SEC22C: variants seen among roughly 807,000 people sequenced by gnomAD.
SEC22C encodes the protein SEC22 homolog C, vesicle trafficking protein.
A neutral mutation model predicts 34.7 loss-of-function variants in SEC22C; 29 were observed. The observed-to-expected ratio is 0.84, with a 90% confidence interval of 0.62 to 1.14. The LOEUF is 1.14. Ranked by LOEUF, SEC22C falls within the 50% of genes most tolerant of loss-of-function variation. The pLI, the probability that SEC22C is intolerant of heterozygous loss-of-function variation, is 0.00. For synonymous variants in SEC22C, 117 were observed against 132.8 expected, an observed-to-expected ratio of 0.88 and a Z score of 0.82; for missense variants, 337 against 369.0, an observed-to-expected ratio of 0.91 and a Z score of 0.71.
chr3:42,576,959 C>G (rs1704004929), intron 1 of SEC22C, among the ~76,000 whole-genome samples: 1 of 151,944 alleles, frequency 6.6e-6, no homozygotes, highest in South Asian at 2.1e-4. Flanking sequence ...ATACAGAACC[C>G]AAAAATATAC....
At chr3:42,575,129 T>C (rs1365591559) in intron 1 of SEC22C, among the ~76,000 whole-genome samples, 2 of 152,232 alleles carry the variant, frequency 1.3e-5, no homozygotes, top group Non-Finnish European at 2.9e-5. Context: ...ATTACAGGCA[T>C]GAGCCACTAG....
Position 42,572,218 on chromosome 3 carries a change from CA to C in SEC22C, c.-27-3146del, listed in dbSNP as rs540416562. Among the ~76,000 whole-genome samples the C allele has an allele frequency of 3.8e-3, 309 of 81,670 alleles. 1 individual carries two copies. The highest frequency in any genetic ancestry group is 7.7e-3 in the Admixed American group (53 of 6,860). The allele number at this position is 81,670 out of a possible 152,430, so 53.6% of individuals were successfully genotyped here. On this transcript the variant is annotated intron_variant, in intron 1 of 6. Transcript: ENST00000264454. ...GCAAGAAATGCCAATGGGTACAGAC[CA>C]AAAAAAAAAAAAAAGCCAAAAAAAC...
Position 42,549,828 on chromosome 3 carries a change from A to T in SEC22C, c.*3420T>A. The stretch of plus-strand genomic sequence containing the variant: ...AAGCTCATTTAATCAAAATGCTTAA[A>T]TGTTTTAATTCCAGCATTCTCCAGA... On this transcript the variant is annotated 3_prime_UTR_variant, in exon 7 of 7. Transcript: ENST00000264454. 1 of 985,496 alleles carries T rather than the reference A, an allele frequency of 1.0e-6. No individual in the cohort carries two copies. The highest frequency in any genetic ancestry group is 1.2e-6 in the Non-Finnish European group (1 of 829,950). The allele number at this position is 985,496 out of a possible 1,614,324, so 61.0% of individuals were successfully genotyped here. A position where few individuals can be genotyped will look rare whatever the true frequency, so the allele number is the denominator to read the frequency against.
chr3:42,577,885 A>G (rs1296361035), intron 1 of SEC22C, among the ~76,000 whole-genome samples: 4 of 152,008 alleles, frequency 2.6e-5, no homozygotes, highest in African/African-American at 9.7e-5. Flanking sequence ...CAGGAGAATC[A>G]CTTGAACCTG....
Position 42,549,523 on chromosome 3 carries a change from G to C in SEC22C, c.*3725C>G. 1 of 985,222 alleles carries C rather than the reference G, an allele frequency of 1.0e-6. No individual in the cohort carries two copies. Among genetic ancestry groups the C allele is most frequent in the Non-Finnish European group, 1.2e-6 (1 of 830,078 alleles). The allele number at this position is 985,222 out of a possible 1,614,324, so 61.0% of individuals were successfully genotyped here. A position where few individuals can be genotyped will look rare whatever the true frequency, so the allele number is the denominator to read the frequency against. On this transcript the variant is annotated 3_prime_UTR_variant, in exon 7 of 7. Coordinates refer to ENST00000264454, the MANE Select transcript of SEC22C (RefSeq NM_032970.4). Reference sequence around the variant, plus strand: ...ACACAGCCAGCCTTGCTGGCCTGCTGGCTATTGTCTCTGACTCTGAGCTGT... The same window carrying C: ...ACACAGCCAGCCTTGCTGGCCTGCTCGCTATTGTCTCTGACTCTGAGCTGT...
At chr3:42,599,077 T>A (rs1705150415) in intron 1 of SEC22C, among the ~76,000 whole-genome samples, 1 of 151,286 alleles carries the variant, frequency 6.6e-6, no homozygotes, top group Non-Finnish European at 1.5e-5. Context: ...GCCATTCTTC[T>A]GCCTCAGCCT....
intron 2 of SEC22C, 115 bp downstream of exon 2, chr3:42,568,750 T>C (rs887031964): frequency 5.9e-6 from 5 of 843,398 alleles, no homozygotes; most frequent in Admixed American, 2.4e-5. Context: ...CTCAGACCAC[T>C]GATGCTAGAT....
upstream of SEC22C, among the ~76,000 whole-genome samples, chr3:42,583,795 G>A (rs75915526): frequency 1.4e-3 from 215 of 152,262 alleles, 1 homozygote; most frequent in Non-Finnish European, 2.5e-3. Flanking sequence ...TTCTGCCCTT[G>A]GCATCAGAAT....
chr3:42,600,258 C>T (rs536573553), intron 1 of SEC22C, among the ~76,000 whole-genome samples: 1 of 152,254 alleles, frequency 6.6e-6, no homozygotes, highest in Non-Finnish European at 1.5e-5. Flanking sequence ...CAGTAGGACA[C>T]GGACATAACC....
At chr3:42,582,144 T>C (rs1321826415), upstream of SEC22C, 2 of 152,136 alleles carry the variant, frequency 1.3e-5, no homozygotes, top group Non-Finnish European at 2.9e-5. Flanking sequence ...AGAGGGAGTG[T>C]GACGGGGGCG....
At chr3:42,558,004 GC>G (rs924708646) in intron 4 of SEC22C, among the ~76,000 whole-genome samples, 1 of 152,144 alleles carries the variant, frequency 6.6e-6, no homozygotes, top group Non-Finnish European at 1.5e-5. Context: ...GGGGCAATCT[GC>G]CCCCCAGTGG....
At position 42,598,632 on chromosome 3, in the gene SEC22C, A is replaced by G. The variant is rs540681155; in HGVS notation, c.-28+2328T>C. 5.1e-4 allele frequency among the ~76,000 whole-genome samples: 78 copies of G among 152,070 alleles called. 1 individual carries two copies. Among genetic ancestry groups the G allele is most frequent in the African/African-American group, 1.7e-3 (69 of 41,426 alleles). ...GTGTGAGCCACCGCACCTAGCCTAC[A>G]AGAACAAATATTACATGATTTTACT... On this transcript the variant is annotated intron_variant, in intron 1 of 6. Transcript: ENST00000417572.
At chr3:42,566,834 T>A in intron 2 of SEC22C, 2 of 428,648 alleles carry the variant, frequency 4.7e-6, no homozygotes, top group South Asian at 1.7e-5. Flanking sequence ...CAAGACCTTG[T>A]CTCTAAAAAA....
rs1185589509 is a variant in SEC22C at position 42,550,584 on chromosome 3, T to C, written c.*2664A>G. The C allele has an allele frequency of 1.0e-6, 1 of 985,358 alleles. No homozygotes were observed. The highest frequency in any genetic ancestry group is 1.2e-6 in the Non-Finnish European group (1 of 829,952). 61.0% of individuals were successfully genotyped at this position (985,358 alleles called of 1,614,324 possible). On this transcript the variant is annotated 3_prime_UTR_variant, in exon 7 of 7. Coordinates refer to ENST00000264454, the MANE Select transcript of SEC22C (RefSeq NM_032970.4). ...TTTGTGGTCATTACTTGTACTGTTTTTCTAGTGCATCTTTTCCCTTTTGTT... is the reference window on the plus strand; with the variant it reads ...TTTGTGGTCATTACTTGTACTGTTTCTCTAGTGCATCTTTTCCCTTTTGTT...
chr3:42,557,838 C>T, intron 4 of SEC22C, 142 bp from the exon 5 acceptor site: 1 of 485,586 alleles, frequency 2.1e-6, no homozygotes, highest in Non-Finnish European at 3.8e-6. Flanking sequence ...ATTGTAAAAG[C>T]AGCAGAAGTT....
chr3:42,561,410 G>A (rs878967580), intron 3 of SEC22C, 114 bp from the exon 4 acceptor site: 25 of 1,057,292 alleles, frequency 2.4e-5, no homozygotes, highest in South Asian at 1.7e-4. Context: ...TCTCACTGTC[G>A]CCCACTCTGG....
At chr3:42,574,039 G>A (rs1703803269) in intron 1 of SEC22C, among the ~76,000 whole-genome samples, 2 of 152,082 alleles carry the variant, frequency 1.3e-5, no homozygotes, top group Non-Finnish European at 2.9e-5. Flanking sequence ...AGAAACCCAT[G>A]CCAGCACACA....
At chr3:42,596,273 C>CA (rs1481791842) in intron 1 of SEC22C, among the ~76,000 whole-genome samples, 1 of 152,202 alleles carries the variant, frequency 6.6e-6, no homozygotes, top group Admixed American at 6.5e-5. Flanking sequence ...CCACCTGCCT[C>CA]AGCCTCCTAG....
chr3:42,597,775 C>T (rs1705071568), intron 1 of SEC22C, among the ~76,000 whole-genome samples: 1 of 152,210 alleles, frequency 6.6e-6, no homozygotes, highest in African/African-American at 2.4e-5. Flanking sequence ...TGGCTGAAGA[C>T]AATTATTCTT....
Sources: allele counts gnomAD v4.1 joint callset (sites outside exome capture counted in the v4.1 genomes callset), GRCh38; gene constraint gnomAD v4.1.1; transcripts MANE v1.5; gene names NCBI Gene and HGNC (gene_info 2026-07-23, HGNC 2026-07-21).